The following PCED1B variants were observed in gnomAD, a reference collection of about 807,000 sequenced individuals.
PCED1B encodes PC-esterase domain containing 1B.
For missense variants in PCED1B, 573 were observed against 573.9 expected (o/e 1.00, Z 0.02); for synonymous variants, 251 against 246.1 (o/e 1.02, Z -0.19).
Position 47,235,950 on chromosome 12 carries a change from C to A in PCED1B, c.887C>A (p.Ser296Tyr). Reference protein sequence around the residue: ...PALPLSPPLPSPTYRPLLGFP... With the variant: ...PALPLSPPLPYPTYRPLLGFP... The stretch of plus-strand genomic sequence containing the variant: ...TTACCTCTGTCCCCACCCTTACCTT[C>A]CCCCACATACCGCCCCCTGCTTGGG... Residue 296 changes from serine to tyrosine, a missense_variant, in exon 4 of 4, where the codon TCC becomes TAC. Coordinates refer to ENST00000546455, the MANE Select transcript of PCED1B (RefSeq NM_138371.3). 6.2e-7 allele frequency: 1 copy of A among 1,611,824 alleles called. No individual in the cohort carries two copies. The highest frequency in any genetic ancestry group is 8.5e-7 in the Non-Finnish European group (1 of 1,179,136).
At position 47,146,532 on chromosome 12, in the gene PCED1B, A is replaced by G. The variant is rs184913938; in HGVS notation, c.-526+42337A>G. Among the ~76,000 whole-genome samples, 321 of 152,300 alleles carry G rather than the reference A, an allele frequency of 2.1e-3. 2 individuals are homozygous for G. The highest frequency in any genetic ancestry group is 0.014 in the Middle Eastern group (4 of 294). ...TTTCATTTTTGTCTTATTTTAAGAA[A>G]TTGCCACAACCACCCCAATCTTCAA... On this transcript the variant is annotated intron_variant, in intron 2 of 3. Coordinates refer to ENST00000546455, the MANE Select transcript of PCED1B (RefSeq NM_138371.3).
intron 2 of PCED1B, among the ~76,000 whole-genome samples, chr12:47,152,375 A>G (rs1388183451): frequency 6.6e-6 from 1 of 152,178 alleles, no homozygotes; most frequent in African/African-American, 2.4e-5. Flanking sequence ...TTGCTTCTGG[A>G]GTCTTCTTGC....
intron 1 of PCED1B, among the ~76,000 whole-genome samples, chr12:47,084,307 T>G (rs1937879068): frequency 6.6e-6 from 1 of 152,198 alleles, no homozygotes; most frequent in African/African-American, 2.4e-5. Flanking sequence ...ACAGAATGAT[T>G]GTATGGGTAC....
intron 2 of PCED1B, among the ~76,000 whole-genome samples, chr12:47,114,307 A>C (rs1939327975): frequency 6.6e-6 from 1 of 152,216 alleles, no homozygotes; most frequent in South Asian, 2.1e-4. Flanking sequence ...GCCCACATAG[A>C]AAGTAAGTGA....
intron 1 of PCED1B, among the ~76,000 whole-genome samples, chr12:47,096,538 T>C (rs930315417): frequency 2.0e-5 from 3 of 152,098 alleles, no homozygotes; most frequent in African/African-American, 4.8e-5. Context: ...CTTAAGCACA[T>C]TGAGGGCAGA....
chr12:47,200,490 G>A (rs1942730971), intron 2 of PCED1B, among the ~76,000 whole-genome samples: 2 of 152,198 alleles, frequency 1.3e-5, no homozygotes, highest in Admixed American at 6.5e-5. Flanking sequence ...ATTTGTTGCT[G>A]GTAGGAATGC....
At chr12:47,218,958 C>T (rs559182096) in intron 3 of PCED1B, among the ~76,000 whole-genome samples, 8 of 152,096 alleles carry the variant, frequency 5.3e-5, no homozygotes, top group South Asian at 4.1e-4. Context: ...CTGGCCAACA[C>T]GGTGAAACTC....
intron 1 of PCED1B, among the ~76,000 whole-genome samples, chr12:47,100,868 G>T (rs1264768560): frequency 6.6e-6 from 1 of 152,054 alleles, no homozygotes; most frequent in African/African-American, 2.4e-5. Flanking sequence ...AGGAGTTCGA[G>T]ACCAGCCTGG....
chr12:47,174,802 C>T (rs546064910), intron 2 of PCED1B, among the ~76,000 whole-genome samples: 1 of 152,156 alleles, frequency 6.6e-6, no homozygotes, highest in Non-Finnish European at 1.5e-5. Context: ...CAGAGAGATG[C>T]AAGTTCAAAT....
chr12:47,103,447 A>C (rs950601509), intron 1 of PCED1B, among the ~76,000 whole-genome samples: 1 of 152,196 alleles, frequency 6.6e-6, no homozygotes, highest in Non-Finnish European at 1.5e-5. Flanking sequence ...AGCCATGATG[A>C]AGTCACGAGT....
intron 2 of PCED1B, among the ~76,000 whole-genome samples, chr12:47,121,777 AATCCCAAC>A (rs1565760388): frequency 6.6e-6 from 1 of 152,080 alleles, no homozygotes; most frequent in Non-Finnish European, 1.5e-5. Flanking sequence ...TCACGCCTGT[AATCCCAAC>A]ACTTTGGAAG....
chr12:47,185,997 A>C (rs1396562408), intron 2 of PCED1B, among the ~76,000 whole-genome samples: 7 of 151,994 alleles, frequency 4.6e-5, no homozygotes, highest in Non-Finnish European at 8.8e-5. Context: ...AGGTGGGCGG[A>C]TCACGAGGTC....
At chr12:47,228,589 G>A (rs1334047939) in intron 3 of PCED1B, among the ~76,000 whole-genome samples, 1 of 152,070 alleles carries the variant, frequency 6.6e-6, no homozygotes, top group African/African-American at 2.4e-5. Flanking sequence ...CTCATAAAGG[G>A]CCAGGTGCAG....
intron 1 of PCED1B, among the ~76,000 whole-genome samples, chr12:47,100,674 G>T (rs1938663836): frequency 6.6e-6 from 1 of 152,292 alleles, no homozygotes; most frequent in Admixed American, 6.5e-5. Flanking sequence ...GAATAGAAAA[G>T]AAATATTTTC....
At chr12:47,094,738 GTTCTACATA>G (rs1281273386) in intron 1 of PCED1B, among the ~76,000 whole-genome samples, 1 of 151,764 alleles carries the variant, frequency 6.6e-6, no homozygotes, top group African/African-American at 2.4e-5. Context: ...ACACATCTTA[GTTCTACATA>G]TATTTTATAC....
At chr12:47,128,218 T>A (rs1939975628) in intron 2 of PCED1B, among the ~76,000 whole-genome samples, 2 of 152,202 alleles carry the variant, frequency 1.3e-5, no homozygotes, top group African/African-American at 4.8e-5. Flanking sequence ...ATTATGGCAA[T>A]TTGGTGATTT....
rs535973840 is a variant in PCED1B at position 47,213,450 on chromosome 12, G to A, written c.-525-2772G>A. Among the ~76,000 whole-genome samples, 20 of 152,206 alleles carry A rather than the reference G, an allele frequency of 1.3e-4. No homozygotes were observed. The East Asian group carries it at 2.1e-3, about 16-fold the overall frequency. On this transcript the variant is annotated intron_variant, in intron 2 of 3. Transcript: ENST00000546455. ...AATAGATTTAAACACATACACACACGAGCCAGCTGAAATTAATGTATATAT... is the reference window on the plus strand; with the variant it reads ...AATAGATTTAAACACATACACACACAAGCCAGCTGAAATTAATGTATATAT...
chr12:47,144,965 C>T (rs1456195946), intron 2 of PCED1B, among the ~76,000 whole-genome samples: 2 of 152,218 alleles, frequency 1.3e-5, no homozygotes, highest in African/African-American at 2.4e-5. Flanking sequence ...AATGATTAAG[C>T]TTACTGAGGA....
chr12:47,178,026 C>T (rs1368358457), intron 2 of PCED1B, among the ~76,000 whole-genome samples: 1 of 152,006 alleles, frequency 6.6e-6, no homozygotes, highest in African/African-American at 2.4e-5. Context: ...CTTTAAGGTT[C>T]TAGGAGAGGG....
Sources: gnomAD v4.1 joint callset for allele counts (sites outside exome capture counted in the v4.1 genomes callset) on GRCh38, gnomAD v4.1.1 for gene constraint, MANE v1.5 for transcripts, NCBI Gene and HGNC (gene_info 2026-07-23, HGNC 2026-07-21) for gene names.